FNDC3B: variants seen among roughly 807,000 people sequenced by gnomAD.
The protein encoded by FNDC3B is fibronectin type III domain containing 3B, also known as fibronectin type III domain-containing protein 3B.
In FNDC3B, 12 loss-of-function variants were observed where a neutral mutation model predicts 151.5. The observed-to-expected ratio is 0.08, with a 90% confidence interval of 0.05 to 0.13. The LOEUF is 0.13. Ranked by LOEUF, FNDC3B falls within the 10% of genes least tolerant of loss-of-function variation. The probability of loss-of-function intolerance (pLI) is 1.00; values close to 1 mark genes in which losing one functional copy is unlikely to be tolerated. For synonymous variants in FNDC3B, 528 were observed against 549.0 expected, an observed-to-expected ratio of 0.96 and a Z score of 0.54; for missense variants, 1,214 against 1,505.3, an observed-to-expected ratio of 0.81 and a Z score of 3.20.
At chr3:172,145,449 G>A (rs1000813565) in intron 3 of FNDC3B, among the ~76,000 whole-genome samples, 8 of 152,106 alleles carry the variant, frequency 5.3e-5, no homozygotes, top group Admixed American at 5.2e-4. Flanking sequence ...GTGGGTATAC[G>A]CATACACTTA....
chr3:172,322,824 A>G (rs1194185282), intron 11 of FNDC3B, among the ~76,000 whole-genome samples: 2 of 152,104 alleles, frequency 1.3e-5, no homozygotes, highest in African/African-American at 4.8e-5. Flanking sequence ...CCAGTGAGAC[A>G]TGCCTCAGTG....
intron 11 of FNDC3B, among the ~76,000 whole-genome samples, chr3:172,313,682 G>GCC (rs1372233150): frequency 3.3e-5 from 5 of 152,280 alleles, no homozygotes; most frequent in Admixed American, 3.3e-4. Context: ...AAAACACGTT[G>GCC]CCATATGCTT....
intron 16 of FNDC3B, chr3:172,338,457 G>A (rs1733108135): frequency 6.6e-6 from 1 of 152,140 alleles, no homozygotes. Flanking sequence ...GTGGGCTAGT[G>A]ACAAGAATCA....
intron 2 of FNDC3B, among the ~76,000 whole-genome samples, chr3:172,130,014 G>C (rs1350420316): frequency 6.6e-6 from 1 of 151,756 alleles, no homozygotes; most frequent in African/African-American, 2.4e-5. Context: ...GAGGGGGAGA[G>C]AGAGAAATTG....
At chr3:172,392,243 A>C (rs1208752489) in intron 25 of FNDC3B, among the ~76,000 whole-genome samples, 1 of 152,204 alleles carries the variant, frequency 6.6e-6, no homozygotes, top group Non-Finnish European at 1.5e-5. Flanking sequence ...CAGCCTAGCT[A>C]TTTGTAACTC....
At chr3:172,358,604 C>G (rs987033012) in intron 22 of FNDC3B, among the ~76,000 whole-genome samples, 2 of 152,228 alleles carry the variant, frequency 1.3e-5, no homozygotes, top group Admixed American at 1.3e-4. Context: ...GAAGACCTGT[C>G]CCTGTGCCAG....
At chr3:172,112,166 A>T (rs1017499904) in intron 1 of FNDC3B, among the ~76,000 whole-genome samples, 10 of 152,228 alleles carry the variant, frequency 6.6e-5, no homozygotes, top group Non-Finnish European at 1.3e-4. Context: ...AAACAACGGA[A>T]TCTACCTTTA....
rs1378457022 is a variant in FNDC3B, at chr3:172,133,510, A to C, written c.151A>C (p.Ile51Leu). The C allele has an allele frequency of 6.2e-7, 1 of 1,613,620 alleles. No individual in the cohort carries two copies. The highest frequency in any genetic ancestry group is 1.1e-5 in the South Asian group (1 of 91,048). Residue 51 changes from isoleucine (I) to leucine (L), a missense_variant, in exon 3 of 26, where the codon ATA becomes CTA. Physicochemically the swap from Ile to Leu is conservative, Grantham distance 5. Transcript: ENST00000415807. ...AGTTAATCCAGGTGAGACTTTCACA[A>C]TAAGAGCAGAGGATGGAACACTTCA... ...VQVNPGETFT[I>L]RAEDGTLQCI...
At chr3:172,366,450 T>C (rs1161789544) in intron 23 of FNDC3B, among the ~76,000 whole-genome samples, 1 of 152,026 alleles carries the variant, frequency 6.6e-6, no homozygotes, top group Non-Finnish European at 1.5e-5. Flanking sequence ...GAAAGTAGGG[T>C]TTGTACCAAA....
Position 172,308,488 on chromosome 3 carries a change from T to G in FNDC3B, c.1200+987T>G, listed in dbSNP as rs138999227. Among the ~76,000 whole-genome samples the G allele has an allele frequency of 2.3e-3, 355 of 152,306 alleles. 5 individuals are homozygous for G. Among genetic ancestry groups the G allele is most frequent in the Middle Eastern group, 0.01 (3 of 292 alleles). Reference sequence around the variant, plus strand: ...GAAAGAAAGAAAATGGCTAGGAAGATCCATTATTAGTGAAGAAATATTTTA... The same window carrying G: ...GAAAGAAAGAAAATGGCTAGGAAGAGCCATTATTAGTGAAGAAATATTTTA... On this transcript the variant is annotated intron_variant, in intron 10 of 25. Coordinates refer to ENST00000415807, the MANE Select transcript of FNDC3B (RefSeq NM_022763.4).
In FNDC3B at chr3:172,251,461, G is replaced by A. The variant is rs1393122813; in HGVS notation, c.710G>A (p.Gly237Asp). The stretch of plus-strand genomic sequence containing the variant: ...CATAGTGGTGGAAGTGGCGGAGGCG[G>A]CAGCGGTAGTGGTCCCGGAATTAAG... ...KGHSGGSGGG[G>D]SGSGPGIKKT... The change falls in exon 6 of 26, where the codon GGC becomes GAC. Residue 237 changes from glycine (G) to aspartate (D), a missense_variant. By Grantham distance (94) the Gly-to-Asp change is moderately conservative. Coordinates refer to ENST00000415807, the MANE Select transcript of FNDC3B (RefSeq NM_022763.4). The A allele has an allele frequency of 6.2e-7, 1 of 1,613,998 alleles. No homozygotes were observed. The highest frequency in any genetic ancestry group is 1.3e-5 in the African/African-American group (1 of 74,924).
chr3:172,109,389 A>G (rs959371933), intron 1 of FNDC3B, among the ~76,000 whole-genome samples: 2 of 151,764 alleles, frequency 1.3e-5, no homozygotes, highest in Non-Finnish European at 2.9e-5. Context: ...GATGGTCTCG[A>G]TCTCCTGACC....
At chr3:172,053,303 G>A (rs577762124) in intron 1 of FNDC3B, among the ~76,000 whole-genome samples, 2 of 152,296 alleles carry the variant, frequency 1.3e-5, no homozygotes, top group East Asian at 1.9e-4. Context: ...AAGTCACTTA[G>A]AGTGATTTTA....
At chr3:172,343,190 AG>A in intron 18 of FNDC3B, 74 bp downstream of exon 18, 1 of 828,762 alleles carries the variant, frequency 1.2e-6, no homozygotes, top group Non-Finnish European at 2.1e-6. Context: ...TTTGTAGTTA[AG>A]TTTCAAAGCT....
At chr3:172,267,575 G>A (rs555880113) in intron 6 of FNDC3B, among the ~76,000 whole-genome samples, 100 of 152,270 alleles carry the variant, frequency 6.6e-4, no homozygotes, top group African/African-American at 2.0e-3. Context: ...GTAAAATGGC[G>A]GCTGTGTATT....
intron 3 of FNDC3B, among the ~76,000 whole-genome samples, chr3:172,190,295 G>A (rs2108669660): frequency 6.6e-6 from 1 of 152,220 alleles, no homozygotes; most frequent in East Asian, 1.9e-4. Context: ...TCAGATAGCA[G>A]CGTGTCCTGT....
At position 172,224,430 on chromosome 3, in the gene FNDC3B, A is replaced by C. The variant is rs374671155; in HGVS notation, c.188-2441A>C. 1.1e-4 allele frequency among the ~76,000 whole-genome samples: 17 copies of C among 152,234 alleles called. No homozygotes were observed. The South Asian group carries it at 1.2e-3, about 11-fold the overall frequency. On this transcript the variant is annotated intron_variant, in intron 3 of 25. Coordinates refer to ENST00000415807, the MANE Select transcript of FNDC3B (RefSeq NM_022763.4). ...CTGTGTTTACTTTTTACAGTTACAG[A>C]GATGACCAGATAGTTGAGTGATTTG... is the stretch of plus-strand genomic sequence containing the variant.
chr3:172,045,702 C>G (rs1353975958), intron 1 of FNDC3B, among the ~76,000 whole-genome samples: 6 of 152,024 alleles, frequency 3.9e-5, no homozygotes, highest in African/African-American at 1.2e-4. Context: ...AATTCTCACT[C>G]TTAAGGCTGT....
chr3:172,175,408 A>G (rs1178588013), intron 3 of FNDC3B, among the ~76,000 whole-genome samples: 1 of 152,076 alleles, frequency 6.6e-6, no homozygotes, highest in African/African-American at 2.4e-5. Context: ...TGGGGGAGGT[A>G]TTACAGCAAA....
Sources: gnomAD v4.1 joint callset for allele counts (sites outside exome capture counted in the v4.1 genomes callset) on GRCh38, gnomAD v4.1.1 for gene constraint, MANE v1.5 for transcripts, NCBI Gene and HGNC (gene_info 2026-07-23, HGNC 2026-07-21) for gene names.